The following SRL variants were observed in gnomAD, a reference collection of about 807,000 sequenced individuals.
SRL encodes sarcalumenin.
SRL carries 23 observed loss-of-function variants against 39.5 expected under a neutral mutation model. That is an observed-to-expected ratio of 0.58 (90% confidence interval 0.42 to 0.82). SRL has a LOEUF of 0.82. Ranked by LOEUF, SRL falls within the 40% of genes least tolerant of loss-of-function variation. SRL has a pLI of 0.00. For synonymous variants in SRL, 272 were observed against 237.4 expected, an observed-to-expected ratio of 1.15 and a Z score of -1.34; for missense variants, 592 against 607.8, an observed-to-expected ratio of 0.97 and a Z score of 0.27.
In SRL at chr16:4,224,461, T is replaced by C. The variant is rs974952077; in HGVS notation, c.61+17546A>G. Among the ~76,000 whole-genome samples the C allele has an allele frequency of 2.0e-5, 3 of 152,142 alleles. No homozygotes were observed. The East Asian group carries it at 5.8e-4, about 29-fold the overall frequency. ...TGGTTCATGCCTGTAATCCCAGCAC[T>C]TTGGGAGGCCGAGACGGGAGGATTG... is the stretch of plus-strand genomic sequence containing the variant. On this transcript the variant is annotated intron_variant, in intron 1 of 5. Transcript: ENST00000399609.
chr16:4,211,848 T>C (rs1597280969), intron 1 of SRL, among the ~76,000 whole-genome samples: 1 of 152,080 alleles, frequency 6.6e-6, no homozygotes, highest in East Asian at 1.9e-4. Context: ...ATGATGGTGA[T>C]GACGACGATG....
At chr16:4,208,227 C>G in intron 1 of SRL, 1 of 358,010 alleles carries the variant, frequency 2.8e-6, no homozygotes, top group South Asian at 2.1e-5. Flanking sequence ...TGCAGTGTTA[C>G]GCCCACCAAC....
intron 1 of SRL, among the ~76,000 whole-genome samples, chr16:4,235,770 T>C (rs570424139): frequency 4.6e-5 from 7 of 152,114 alleles, no homozygotes; most frequent in African/African-American, 1.7e-4. Flanking sequence ...AGGCCACATA[T>C]CCACCGCGCC....
chr16:4,213,216 T>C (rs911806310), intron 1 of SRL, among the ~76,000 whole-genome samples: 2 of 151,878 alleles, frequency 1.3e-5, no homozygotes, highest in Non-Finnish European at 2.9e-5. Context: ...TACTTCCTGC[T>C]CTCCTTGAAT....
At chr16:4,220,021 C>T (rs2052504166) in intron 1 of SRL, among the ~76,000 whole-genome samples, 1 of 152,096 alleles carries the variant, frequency 6.6e-6, no homozygotes, top group Admixed American at 6.6e-5. Flanking sequence ...ACCCTCCCAG[C>T]CCACCTTGCC....
chr16:4,241,469 C>T (rs906065152), intron 1 of SRL, among the ~76,000 whole-genome samples: 1 of 152,196 alleles, frequency 6.6e-6, no homozygotes, highest in African/African-American at 2.4e-5. Context: ...CCAGCCCAAC[C>T]GCCAACTCTA....
chr16:4,190,450 C>T lies in SRL; in HGVS notation c.*1703G>A, dbSNP rs2052047315. On this transcript the variant is annotated 3_prime_UTR_variant, in exon 6 of 6. Transcript: ENST00000399609. ...GTACAAAGGAGCCCCTCGAGGCAGCCCGGGCTGGGTCTCCTGGGCATGCAC... is the reference window on the plus strand; with the variant it reads ...GTACAAAGGAGCCCCTCGAGGCAGCTCGGGCTGGGTCTCCTGGGCATGCAC... 5.0e-6 allele frequency: 2 copies of T among 398,580 alleles called. No individual in the cohort carries two copies. The highest frequency in any genetic ancestry group is 8.8e-6 in the Non-Finnish European group (2 of 226,172). The allele number at this position is 398,580 out of a possible 1,614,324, so 24.7% of individuals were successfully genotyped here. A position where few individuals can be genotyped will look rare whatever the true frequency, so the allele number is the denominator to read the frequency against.
At chr16:4,216,788 G>A (rs926189607) in intron 1 of SRL, among the ~76,000 whole-genome samples, 5 of 152,170 alleles carry the variant, frequency 3.3e-5, no homozygotes, top group Non-Finnish European at 7.3e-5. Flanking sequence ...AAAGGAAGGG[G>A]AAAGGGATGC....
In SRL at chr16:4,226,112, C is replaced by T. The variant is rs116694211; in HGVS notation, c.61+15895G>A. Among the ~76,000 whole-genome samples the T allele has an allele frequency of 3.1e-3, 467 of 152,308 alleles. 3 individuals carry two copies. The highest frequency in any genetic ancestry group is 0.011 in the African/African-American group (456 of 41,564). On this transcript the variant is annotated intron_variant, in intron 1 of 5. Transcript: ENST00000399609. ...ACCAGCTCCATAAGGCCTTCCCTGG[C>T]CACCTACTGAATTATTGAATATTGT...
chr16:4,218,269 C>T (rs1365103298), intron 1 of SRL, among the ~76,000 whole-genome samples: 1 of 152,162 alleles, frequency 6.6e-6, no homozygotes, highest in African/African-American at 2.4e-5. Flanking sequence ...GAAGTTTAAA[C>T]AGACCCATTC....
chr16:4,210,686 T>C (rs1389396699), intron 1 of SRL, among the ~76,000 whole-genome samples: 1 of 152,132 alleles, frequency 6.6e-6, no homozygotes, highest in Non-Finnish European at 1.5e-5. Context: ...TTTCACCATG[T>C]TGGCTAGGCT....
chr16:4,216,375 G>A (rs1252229426), intron 1 of SRL, among the ~76,000 whole-genome samples: 2 of 151,956 alleles, frequency 1.3e-5, no homozygotes, highest in East Asian at 1.9e-4. Flanking sequence ...AGATTCAAGC[G>A]ATTCTCCTGC....
intron 1 of SRL, 70 bp downstream of exon 1, chr16:4,241,937 G>T: frequency 6.4e-7 from 1 of 1,573,814 alleles, no homozygotes. Context: ...CCCAACCCAT[G>T]GTAGACAGAA....
chr16:4,230,431 A>C (rs972841317), intron 1 of SRL, among the ~76,000 whole-genome samples: 1 of 144,820 alleles, frequency 6.9e-6, no homozygotes, highest in Non-Finnish European at 1.5e-5. Context: ...CCCAGGCTGG[A>C]GTATGGTGGT....
At chr16:4,224,642 C>T (rs191675232) in intron 1 of SRL, among the ~76,000 whole-genome samples, 57 of 151,528 alleles carry the variant, frequency 3.8e-4, no homozygotes, top group Admixed American at 1.4e-3. Flanking sequence ...GCCCAGGAGA[C>T]GGAGTTTGCA....
chr16:4,195,761 G>C lies in SRL; in HGVS notation c.402C>G (p.Phe134Leu), dbSNP rs1461780540. ...GCTTAGGCCCATGCATGAGGACCGT[G>C]AACTCAGAGGTGGTGGGTTCAGCGC... is the stretch of plus-strand genomic sequence containing the variant. ...YTGAEPTTSE[F>L]TVLMHGPKLK... Residue 134 changes from phenylalanine (F) to leucine (L), a missense_variant, in exon 5 of 6, where the codon TTC (phenylalanine) becomes TTG (leucine). Transcript: ENST00000399609. The C allele has an allele frequency of 6.2e-7, 1 of 1,613,930 alleles. No homozygotes were observed. Among genetic ancestry groups the C allele is most frequent in the Non-Finnish European group, 8.5e-7 (1 of 1,179,980 alleles).
intron 1 of SRL, among the ~76,000 whole-genome samples, chr16:4,226,848 G>A (rs912517650): frequency 2.0e-5 from 3 of 150,816 alleles, no homozygotes; most frequent in African/African-American, 7.3e-5. Flanking sequence ...TGGATGGAGG[G>A]GTAGATGGAT....
intron 4 of SRL, among the ~76,000 whole-genome samples, chr16:4,196,890 T>C (rs2052153954): frequency 6.6e-6 from 1 of 152,158 alleles, no homozygotes; most frequent in Admixed American, 6.6e-5. Flanking sequence ...CAGAATTTCA[T>C]TCCTTTTTAA....
At chr16:4,232,600 T>C (rs2052671811) in intron 1 of SRL, among the ~76,000 whole-genome samples, 1 of 151,902 alleles carries the variant, frequency 6.6e-6, no homozygotes, top group South Asian at 2.1e-4. Context: ...AGCCATGACC[T>C]CCCGGGCTCA....
Sources: allele counts gnomAD v4.1 joint callset (sites outside exome capture counted in the v4.1 genomes callset), GRCh38; gene constraint gnomAD v4.1.1; transcripts MANE v1.5; gene names NCBI Gene and HGNC (gene_info 2026-07-23, HGNC 2026-07-21).